DST: variants seen among roughly 807,000 people sequenced by gnomAD.
DST encodes the protein bullous pemphigoid antigen.
DST carries 253 observed loss-of-function variants against 875.2 expected under a neutral mutation model. The observed-to-expected ratio is 0.29, with a 90% CI of 0.26 to 0.32. The LOEUF is 0.32. Ranked by LOEUF, DST falls within the 10% of genes least tolerant of loss-of-function variation. The probability of loss-of-function intolerance (pLI) is 1.00; values close to 1 mark genes in which losing one functional copy is unlikely to be tolerated. For synonymous variants in DST, 3,124 were observed against 3,197.1 expected, an observed-to-expected ratio of 0.98 and a Z score of 0.77; for missense variants, 8,287 against 9,111.6, an observed-to-expected ratio of 0.91 and a Z score of 3.68.
At chr6:56,589,314 G>A (rs9349835) in intron 49 of DST, among the ~76,000 whole-genome samples, 66,030 of 151,880 alleles carry the variant, frequency 0.43, 15,038 homozygotes, top group African/African-American at 0.55. Flanking sequence ...ATTATATTCA[G>A]GAGAGTTAAT....
chr6:56,528,745 AT>A (rs1204898838), intron 67 of DST, 95 bp downstream of exon 67: 1 of 873,438 alleles, frequency 1.1e-6, no homozygotes, highest in East Asian at 2.7e-5. Flanking sequence ...TGGACCAAAA[AT>A]TATAAAGTGT....
intron 36 of DST, chr6:56,616,189 T>C (rs1390290764): frequency 6.2e-7 from 1 of 1,614,206 alleles, no homozygotes; most frequent in Admixed American, 1.7e-5. Context: ...GTTCTGTAAG[T>C]GTGATGAGGC....
chr6:56,843,066 T>A, intron 4 of DST: 1 of 1,548,560 alleles, frequency 6.5e-7, no homozygotes, highest in Non-Finnish European at 8.8e-7. Flanking sequence ...TTTGTACCTC[T>A]CCAGGACATC....
At chr6:56,464,514 AGTC>A in intron 100 of DST, 168 bp downstream of exon 100, 1 of 612,542 alleles carries the variant, frequency 1.6e-6, no homozygotes, top group South Asian at 2.0e-5. Flanking sequence ...ACACAACCAA[AGTC>A]ATCAAATTTT....
intron 8 of DST, among the ~76,000 whole-genome samples, chr6:56,699,987 A>G (rs1243110468): frequency 6.6e-6 from 1 of 152,194 alleles, no homozygotes; most frequent in Non-Finnish European, 1.5e-5. Context: ...GGGATCCCCA[A>G]CCTAACCCCC....
intron 31 of DST, 99 bp from the exon 32 acceptor site, chr6:56,629,542 T>C (rs2098760087): frequency 3.3e-6 from 3 of 909,876 alleles, no homozygotes; most frequent in Non-Finnish European, 5.2e-6. Flanking sequence ...AAATGACAGG[T>C]AGAAAATAAG....
intron 36 of DST, chr6:56,618,677 T>C: frequency 6.2e-7 from 1 of 1,613,662 alleles, no homozygotes; most frequent in Non-Finnish European, 8.5e-7. Context: ...GGCTCTAGAG[T>C]TTTCTTGTTG....
Position 56,619,570 on chromosome 6 carries a change from G to A in DST, c.4929+4960C>T, listed in dbSNP as rs80337136. Reference sequence around the variant, plus strand: ...CTACAGCATGTGCCCTTGTGATTCTGTCTACTTCTCTTTGTAGTTTCCCTT... The same window carrying A: ...CTACAGCATGTGCCCTTGTGATTCTATCTACTTCTCTTTGTAGTTTCCCTT... On this transcript the variant is annotated intron_variant, in intron 36 of 103. Transcript: ENST00000680361. The A allele has an allele frequency of 9.4e-5, 152 of 1,613,902 alleles. 1 individual carries two copies. The East Asian group carries it at 3.3e-3, about 35-fold the overall frequency.
At chr6:56,896,585 G>C (rs987359718) in intron 3 of DST, among the ~76,000 whole-genome samples, 1 of 152,160 alleles carries the variant, frequency 6.6e-6, no homozygotes, top group Admixed American at 6.5e-5. Context: ...CAGCAGTGTA[G>C]AAGTGTTCCC....
Position 56,719,201 on chromosome 6 carries a change from T to C in DST, c.688-14832A>G, listed in dbSNP as rs2099405588. On this transcript the variant is annotated intron_variant, in intron 5 of 103. Coordinates refer to ENST00000680361, the MANE Select transcript of DST (RefSeq NM_001374736.1). ...GGTTCCCAGAATGTAAGACAGAATG[T>C]TAGACTATTCTAATATGGGTCAGTA... Among the ~76,000 whole-genome samples the C allele has an allele frequency of 2.0e-5, 3 of 152,350 alleles. No individual in the cohort carries two copies. The South Asian group carries it at 6.2e-4, about 32-fold the overall frequency.
At chr6:56,533,018 C>T (rs188437532) in intron 63 of DST, among the ~76,000 whole-genome samples, 31 of 152,262 alleles carry the variant, frequency 2.0e-4, no homozygotes, top group Non-Finnish European at 3.7e-4. Context: ...AAGGCTAAAA[C>T]GAGAGGCTCT....
intron 95 of DST, among the ~76,000 whole-genome samples, chr6:56,470,902 T>A (rs1263415455): frequency 1.3e-5 from 2 of 151,968 alleles, no homozygotes; most frequent in Non-Finnish European, 2.9e-5. Flanking sequence ...GAACAACATA[T>A]CTGTGATTAC....
At chr6:56,894,700 CG>C (rs1161850613) in intron 3 of DST, among the ~76,000 whole-genome samples, 2 of 63,288 alleles carry the variant, frequency 3.2e-5, no homozygotes, top group Non-Finnish European at 5.7e-5. Flanking sequence ...GCTGGCCGGG[CG>C]GGGGGCTGAC....
chr6:56,474,038 T>A lies in DST; in HGVS notation c.21865-36A>T, dbSNP rs756383404. The stretch of plus-strand genomic sequence containing the variant: ...AGAAATGATGTCAATCAAATAAGAG[T>A]TACTACAGAAAACCGTCTTTAGAAA... On this transcript the variant is annotated intron_variant, in intron 92 of 103. Coordinates refer to ENST00000680361, the MANE Select transcript of DST (RefSeq NM_001374736.1). The A allele has an allele frequency of 7.1e-6, 11 of 1,545,452 alleles. No individual in the cohort carries two copies. The South Asian group carries it at 1.2e-4, about 17-fold the overall frequency.
intron 4 of DST, among the ~76,000 whole-genome samples, chr6:56,831,218 A>G (rs2099786564): frequency 6.6e-6 from 1 of 152,248 alleles, no homozygotes; most frequent in Admixed American, 6.5e-5. Flanking sequence ...ATTTCTCAGT[A>G]CTAAACCCTC....
At chr6:56,593,534 T>C in intron 48 of DST, 129 bp downstream of exon 48, 1 of 369,868 alleles carries the variant, frequency 2.7e-6, no homozygotes, top group Non-Finnish European at 4.2e-6. Context: ...AAAAAAAAAA[T>C]AGAAGTAGGC....
At chr6:56,732,229 AAT>A (rs1319453931) in intron 5 of DST, among the ~76,000 whole-genome samples, 4 of 152,330 alleles carry the variant, frequency 2.6e-5, no homozygotes, top group South Asian at 2.1e-4. Context: ...ATGGTTTGAA[AAT>A]ATAGAGTGGC....
At chr6:56,593,605 T>C in intron 48 of DST, 58 bp downstream of exon 48, 2 of 1,387,082 alleles carry the variant, frequency 1.4e-6, no homozygotes, top group South Asian at 3.8e-5. Flanking sequence ...TCCAAAACTA[T>C]AATTGAAAAC....
At chr6:56,743,744 C>T (rs2099556672) in intron 4 of DST, among the ~76,000 whole-genome samples, 1 of 152,074 alleles carries the variant, frequency 6.6e-6, no homozygotes, top group African/African-American at 2.4e-5. Context: ...AACAACTTGC[C>T]CAGGATCACA....
Sources: allele counts gnomAD v4.1 joint callset (sites outside exome capture counted in the v4.1 genomes callset), GRCh38; gene constraint gnomAD v4.1.1; transcripts MANE v1.5; gene names NCBI Gene and HGNC (gene_info 2026-07-23, HGNC 2026-07-21).